Variants in BLOC1S5 observed in about 807,000 individuals in gnomAD.
BLOC1S5 encodes the protein biogenesis of lysosomal organelles complex 1 subunit 5, also known as biogenesis of lysosome-related organelles complex 1 subunit 5.
A neutral mutation model predicts 24.3 loss-of-function variants in BLOC1S5; 27 were observed. The observed-to-expected ratio is 1.11, with a 90% CI of 0.82 to 1.53. The LOEUF (loss-of-function observed/expected upper bound fraction) is 1.53, where lower values mean the gene tolerates loss of function less well. Among genes scored for constraint, BLOC1S5 ranks in the 40% most tolerant of loss-of-function variants. The probability of loss-of-function intolerance (pLI) is 0.00; values close to 1 mark genes in which losing one functional copy is unlikely to be tolerated. For missense variants in BLOC1S5, 239 were observed against 229.4 expected, an observed-to-expected ratio of 1.04 and a Z score of -0.27; for synonymous variants, 84 against 74.5, an observed-to-expected ratio of 1.13 and a Z score of -0.66.
At chr6:8,030,240 AC>A (rs1763251649) in intron 3 of BLOC1S5, among the ~76,000 whole-genome samples, 1 of 151,796 alleles carries the variant, frequency 6.6e-6, no homozygotes, top group Non-Finnish European at 1.5e-5. Context: ...GCATACCACA[AC>A]CCCTGCCTCC....
chr6:8,042,256 C>T (rs1380638430), intron 2 of BLOC1S5, among the ~76,000 whole-genome samples: 1 of 152,190 alleles, frequency 6.6e-6, no homozygotes, highest in Non-Finnish European at 1.5e-5. Flanking sequence ...TTCTAACTAT[C>T]ATATAGCTTC....
intron 2 of BLOC1S5, among the ~76,000 whole-genome samples, chr6:8,057,797 C>G (rs1475782421): frequency 6.6e-6 from 1 of 152,150 alleles, no homozygotes; most frequent in Non-Finnish European, 1.5e-5. Context: ...CTATTAAATA[C>G]TTTTCTTTTT....
chr6:8,058,460 G>A (rs554048912), intron 2 of BLOC1S5, among the ~76,000 whole-genome samples: 44 of 150,866 alleles, frequency 2.9e-4, no homozygotes, highest in Admixed American at 1.2e-3. Context: ...ATTCCTTATG[G>A]CAGAGACTAA....
At chr6:8,041,539 C>T (rs1763684771) in intron 2 of BLOC1S5, among the ~76,000 whole-genome samples, 2 of 151,880 alleles carry the variant, frequency 1.3e-5, no homozygotes, top group Admixed American at 6.6e-5. Flanking sequence ...GTCTCGATCT[C>T]CTGACCTTGT....
intron 4 of BLOC1S5, among the ~76,000 whole-genome samples, chr6:8,017,306 A>AG (rs1762776166): frequency 6.6e-6 from 1 of 152,132 alleles, no homozygotes; most frequent in Non-Finnish European, 1.5e-5. Flanking sequence ...TGAACCTGAG[A>AG]GGCGGAGGTT....
intron 3 of BLOC1S5, among the ~76,000 whole-genome samples, chr6:8,038,232 A>G (rs182504608): frequency 2.6e-5 from 4 of 152,332 alleles, no homozygotes; most frequent in Admixed American, 2.0e-4. Context: ...CAGGAGGAGA[A>G]AGCATTAGCA....
chr6:8,016,298 C>G (rs1444847729), intron 4 of BLOC1S5, among the ~76,000 whole-genome samples: 1 of 150,906 alleles, frequency 6.6e-6, no homozygotes, highest in Non-Finnish European at 1.5e-5. Flanking sequence ...TGCACTCTAG[C>G]CTGGGTGACA....
At chr6:8,021,279 T>A (rs1416769082) in intron 4 of BLOC1S5, among the ~76,000 whole-genome samples, 1 of 152,184 alleles carries the variant, frequency 6.6e-6, no homozygotes, top group African/African-American at 2.4e-5. Flanking sequence ...GTTTACTGGG[T>A]ACAGAGTTTC....
At chr6:8,029,767 T>C (rs1339648204) in intron 3 of BLOC1S5, among the ~76,000 whole-genome samples, 2 of 151,862 alleles carry the variant, frequency 1.3e-5, no homozygotes, top group East Asian at 1.9e-4. Context: ...TCTGATCGTT[T>C]ACTAGAACTA....
chr6:8,042,365 G>C (rs1433734111), intron 2 of BLOC1S5, among the ~76,000 whole-genome samples: 3 of 152,316 alleles, frequency 2.0e-5, no homozygotes, highest in East Asian at 3.9e-4. Context: ...ATATAGAAAA[G>C]AACACTGAAG....
chr6:8,053,404 A>C (rs1581431521), intron 2 of BLOC1S5, among the ~76,000 whole-genome samples: 1 of 152,212 alleles, frequency 6.6e-6, no homozygotes, highest in African/African-American at 2.4e-5. Context: ...TGCAACCACC[A>C]CCCTGATCAG....
At position 8,060,578 on chromosome 6, in the gene BLOC1S5, C is replaced by T. The variant is rs576429617; in HGVS notation, c.195+1956G>A. On this transcript the variant is annotated intron_variant, in intron 2 of 4. Coordinates refer to ENST00000397457, the MANE Select transcript of BLOC1S5 (RefSeq NM_201280.3). Reference sequence around the variant, plus strand: ...CTGCAGGTGGCCGGGTGAGGGCTGACGGTGAGCTGGGTTGGGATAGGGGTA... The same window carrying T: ...CTGCAGGTGGCCGGGTGAGGGCTGATGGTGAGCTGGGTTGGGATAGGGGTA... 7.9e-5 allele frequency among the ~76,000 whole-genome samples: 12 copies of T among 152,130 alleles called. No homozygotes were observed. In the South Asian group the frequency reaches 1.9e-3, roughly 24 times the overall value.
rs143673936 is a variant in BLOC1S5 at position 8,017,078 on chromosome 6, T to C, written c.385-1250A>G. Among the ~76,000 whole-genome samples, 261 of 152,182 alleles carry C rather than the reference T, an allele frequency of 1.7e-3. 1 individual carries two copies. Among genetic ancestry groups the C allele is most frequent in the African/African-American group, 6.0e-3 (251 of 41,522 alleles). On this transcript the variant is annotated intron_variant, in intron 4 of 4. Transcript: ENST00000397457. ...GCTGTATAAATAAAAAAGGTATGAA[T>C]TTAGTTTTCTCCCCCCTTCCAAAGT...
At chr6:8,040,028 G>A (rs1763624686) in intron 3 of BLOC1S5, among the ~76,000 whole-genome samples, 1 of 152,180 alleles carries the variant, frequency 6.6e-6, no homozygotes, top group Non-Finnish European at 1.5e-5. Context: ...CTGAGAAGGA[G>A]GAGCCTGTGT....
chr6:8,055,189 T>C (rs1463848350), intron 2 of BLOC1S5, among the ~76,000 whole-genome samples: 1 of 152,224 alleles, frequency 6.6e-6, no homozygotes, highest in East Asian at 1.9e-4. Flanking sequence ...CCCAGCACTT[T>C]GGGAAGCCGA....
At chr6:8,044,986 A>G (rs1763830526) in intron 2 of BLOC1S5, among the ~76,000 whole-genome samples, 1 of 152,242 alleles carries the variant, frequency 6.6e-6, no homozygotes, top group South Asian at 2.1e-4. Context: ...CATAAGTAAC[A>G]AGGAGCCAAA....
intron 4 of BLOC1S5, among the ~76,000 whole-genome samples, chr6:8,016,569 C>T (rs915165588): frequency 2.0e-5 from 3 of 151,950 alleles, no homozygotes; most frequent in Non-Finnish European, 2.9e-5. Flanking sequence ...GAAGAGAACT[C>T]GAGAAATCTC....
chr6:8,045,499 C>G (rs1763850763), intron 2 of BLOC1S5, among the ~76,000 whole-genome samples: 1 of 152,122 alleles, frequency 6.6e-6, no homozygotes, highest in South Asian at 2.1e-4. Flanking sequence ...CCTCCAGACC[C>G]CAGAATGGTA....
chr6:8,022,575 T>TTTTTA (rs56347350), intron 4 of BLOC1S5, among the ~76,000 whole-genome samples: 1 of 66,766 alleles, frequency 1.5e-5, no homozygotes. Flanking sequence ...TCTATTTTTT[T>TTTTTA]TTTCTTTTTT....
Sources: gnomAD v4.1 joint callset for allele counts (sites outside exome capture counted in the v4.1 genomes callset) on GRCh38, gnomAD v4.1.1 for gene constraint, MANE v1.5 for transcripts, NCBI Gene and HGNC (gene_info 2026-07-23, HGNC 2026-07-21) for gene names.